LIMD1: variants seen among roughly 807,000 people sequenced by gnomAD.
LIMD1 encodes LIM domain containing 1, also known as LIM domain-containing protein 1.
LIMD1 carries 23 observed loss-of-function variants against 58.4 expected under a neutral mutation model. The observed-to-expected ratio is 0.39, with a 90% CI of 0.28 to 0.56. The LOEUF is 0.56. Among genes scored for constraint, LIMD1 ranks in the 20% least tolerant of loss-of-function variants. The pLI is 0.57. For synonymous variants in LIMD1, 334 were observed against 345.5 expected (o/e 0.97, Z 0.37); for missense variants, 838 against 855.5 (o/e 0.98, Z 0.25).
chr3:45,600,597 C>T (rs1006143801), intron 1 of LIMD1, among the ~76,000 whole-genome samples: 1 of 152,160 alleles, frequency 6.6e-6, no homozygotes, highest in Non-Finnish European at 1.5e-5. Context: ...GTCTTCTAGG[C>T]GTTGCTCCTG....
At chr3:45,620,886 G>A (rs1288070517) in intron 1 of LIMD1, among the ~76,000 whole-genome samples, 2 of 152,186 alleles carry the variant, frequency 1.3e-5, no homozygotes, top group Admixed American at 6.5e-5. Flanking sequence ...CCTTAACTAA[G>A]TGATCAAGTT....
chr3:45,674,299 C>G (rs1697636486), intron 6 of LIMD1, 44 bp from the exon 7 acceptor site: 10 of 1,556,454 alleles, frequency 6.4e-6, no homozygotes, highest in Non-Finnish European at 8.9e-6. Flanking sequence ...GACAGCCCCC[C>G]TAACAGGCCT....
intron 2 of LIMD1, among the ~76,000 whole-genome samples, chr3:45,659,586 C>A (rs1347017964): frequency 7.2e-6 from 1 of 139,792 alleles, no homozygotes; most frequent in Non-Finnish European, 1.6e-5. Context: ...CTCAAAAAAA[C>A]CCCAAACATA....
chr3:45,677,298 A>G lies in LIMD1; in HGVS notation c.*239A>G. 1 of 460,896 alleles carries G rather than the reference A, an allele frequency of 2.2e-6. No homozygotes were observed. Among genetic ancestry groups the G allele is most frequent in the Admixed American group, 3.5e-5 (1 of 28,404 alleles). The allele number at this position is 460,896 out of a possible 1,614,324, so 28.6% of individuals were successfully genotyped here. On this transcript the variant is annotated 3_prime_UTR_variant, in exon 8 of 8. Coordinates refer to ENST00000273317, the MANE Select transcript of LIMD1 (RefSeq NM_014240.3). ...CATTTTCCTCAGGTTACTCAGGAAA[A>G]TGCTCCAGCATGTGCGAGCACATGA...
intron 3 of LIMD1, 32 bp downstream of exon 3, chr3:45,665,749 G>A (rs1697507473): frequency 1.9e-6 from 3 of 1,599,530 alleles, no homozygotes; most frequent in East Asian, 2.2e-5. Context: ...CCCCTTGCAT[G>A]TCCTGGCCAG....
chr3:45,638,833 C>G (rs1272003679), intron 2 of LIMD1, among the ~76,000 whole-genome samples: 1 of 151,984 alleles, frequency 6.6e-6, no homozygotes, highest in Non-Finnish European at 1.5e-5. Context: ...TTAATAATGG[C>G]CATTTTGTGG....
chr3:45,674,436 C>A, intron 7 of LIMD1, 25 bp downstream of exon 7: 1 of 1,588,234 alleles, frequency 6.3e-7, no homozygotes, highest in Non-Finnish European at 8.6e-7. Flanking sequence ...ACCCAGCCCC[C>A]AAAGCCCATT....
At chr3:45,600,711 G>A (rs948099735) in intron 1 of LIMD1, among the ~76,000 whole-genome samples, 8 of 152,184 alleles carry the variant, frequency 5.3e-5, no homozygotes, top group African/African-American at 1.4e-4. Flanking sequence ...GTGCCCCACC[G>A]TCTCCTCCAT....
intron 2 of LIMD1, among the ~76,000 whole-genome samples, chr3:45,660,546 GC>G (rs1021787612): frequency 6.6e-6 from 1 of 151,746 alleles, no homozygotes; most frequent in Non-Finnish European, 1.5e-5. Context: ...CTCCCAAGTA[GC>G]TAGGATTATA....
At chr3:45,610,376 G>A (rs1559514369) in intron 1 of LIMD1, among the ~76,000 whole-genome samples, 1 of 152,198 alleles carries the variant, frequency 6.6e-6, no homozygotes, top group Non-Finnish European at 1.5e-5. Flanking sequence ...ACCCTGACCA[G>A]AGTTACTCAG....
chr3:45,595,771 T>C lies in LIMD1; in HGVS notation c.892T>C (p.Ser298Pro). 2 of 1,614,050 alleles carry C rather than the reference T, an allele frequency of 1.2e-6. No individual in the cohort carries two copies. The highest frequency in any genetic ancestry group is 1.7e-6 in the Non-Finnish European group (2 of 1,180,006). The change falls in exon 1 of 8, where the codon TCA (serine) becomes CCA (proline). Residue 298 changes from serine (S) to proline (P), a missense_variant. Around this residue, in one of 3 missense-constraint regions of LIMD1, gnomAD observed 659 missense variants for 639.8 expected, o/e 1.03. Coordinates refer to ENST00000273317, the MANE Select transcript of LIMD1 (RefSeq NM_014240.3). ...TGTTCAGCCCAGGACCCCTTCTGTG[T>C]CAGCACCCTTGGCCCTGAGCTGCCC... ...GPVQPRTPSVSAPLALSCPRQ... is the reference protein window; with the variant it reads ...GPVQPRTPSVPAPLALSCPRQ...
chr3:45,634,617 C>T (rs1419694884), intron 1 of LIMD1, among the ~76,000 whole-genome samples: 1 of 152,184 alleles, frequency 6.6e-6, no homozygotes, highest in Non-Finnish European at 1.5e-5. Context: ...AACAGTAACC[C>T]TACGAGGGGG....
intron 1 of LIMD1, among the ~76,000 whole-genome samples, chr3:45,617,910 A>G (rs1701590107): frequency 6.6e-6 from 1 of 152,236 alleles, no homozygotes; most frequent in Non-Finnish European, 1.5e-5. Context: ...CTTCTCTGGT[A>G]TAGCCTTCCT....
chr3:45,647,685 G>T (rs1324515501), intron 2 of LIMD1, among the ~76,000 whole-genome samples: 1 of 152,182 alleles, frequency 6.6e-6, no homozygotes, highest in Non-Finnish European at 1.5e-5. Flanking sequence ...GCAGCGAGGA[G>T]GCCACTCCAC....
intron 1 of LIMD1, among the ~76,000 whole-genome samples, chr3:45,627,706 CAAAAAAAAA>C (rs35897504): frequency 4.1e-5 from 4 of 97,200 alleles, no homozygotes; most frequent in East Asian, 3.0e-4. Context: ...CTAAAACAAC[CAAAAAAAAA>C]AAAAAAAAAA....
intron 2 of LIMD1, among the ~76,000 whole-genome samples, chr3:45,648,220 A>G (rs570354820): frequency 2.0e-5 from 3 of 152,252 alleles, no homozygotes; most frequent in South Asian, 2.1e-4. Context: ...ACACTTCCCC[A>G]TTACCTGGTA....
rs1697696967 is a variant in LIMD1, at chr3:45,678,266, G to A, written c.*1207G>A. On this transcript the variant is annotated 3_prime_UTR_variant, in exon 8 of 8. Transcript: ENST00000273317. ...CTTCACCAAATCACAGATTCAGGAGGAATTTGGCTTTCACACTGGACTCAG... is the reference window on the plus strand; with the variant it reads ...CTTCACCAAATCACAGATTCAGGAGAAATTTGGCTTTCACACTGGACTCAG... The A allele has an allele frequency of 6.6e-6, 1 of 152,646 alleles. No individual in the cohort carries two copies. Among genetic ancestry groups the A allele is most frequent in the African/African-American group, 2.4e-5 (1 of 41,434 alleles). The allele number at this position is 152,646 out of a possible 1,614,324, so 9.5% of individuals were successfully genotyped here. A position where few individuals can be genotyped will look rare whatever the true frequency, so the allele number is the denominator to read the frequency against.
At chr3:45,638,909 C>T (rs1415261210) in intron 2 of LIMD1, among the ~76,000 whole-genome samples, 1 of 152,200 alleles carries the variant, frequency 6.6e-6, no homozygotes, top group Admixed American at 6.5e-5. Flanking sequence ...TGGGGTCTCA[C>T]TGTGTCATCC....
chr3:45,613,490 G>A (rs1288327253), intron 1 of LIMD1, among the ~76,000 whole-genome samples: 1 of 151,672 alleles, frequency 6.6e-6, no homozygotes, highest in African/African-American at 2.4e-5. Context: ...TGGGCTTTTT[G>A]CATTATCAAT....
Sources: allele counts gnomAD v4.1 joint callset (sites outside exome capture counted in the v4.1 genomes callset), GRCh38; gene constraint gnomAD v4.1.1; regional missense constraint gnomAD v4.1.1; transcripts MANE v1.5; gene names NCBI Gene and HGNC (gene_info 2026-07-23, HGNC 2026-07-21).